Variants in GSE1 observed in about 807,000 individuals in gnomAD.
GSE1 encodes the protein Gse1 coiled-coil protein.
In GSE1, 32 loss-of-function variants were observed where a neutral mutation model predicts 112.6. The ratio of observed to expected loss-of-function variants is 0.28; its 90% CI spans 0.21 to 0.38. The LOEUF (loss-of-function observed/expected upper bound fraction) is 0.38. Among genes scored for constraint, GSE1 ranks in the 10% least tolerant of loss-of-function variants. The pLI, the probability that GSE1 is intolerant of heterozygous loss-of-function variation, is 1.00. For synonymous variants in GSE1, 1,115 were observed against 735.6 expected (o/e 1.52, Z -8.35); for missense variants, 2,348 against 1,699.2 (o/e 1.38, Z -6.71).
At chr16:85,217,668 G>A (rs1268626650) in intron 1 of GSE1, among the ~76,000 whole-genome samples, 1 of 152,186 alleles carries the variant, frequency 6.6e-6, no homozygotes, top group African/African-American at 2.4e-5. Flanking sequence ...GGGAGGAAGT[G>A]CTCAGTGAAG....
intron 1 of GSE1, among the ~76,000 whole-genome samples, chr16:85,246,332 CCCCCCACACGCTGTCT>C (rs1375467228): frequency 1.1e-4 from 4 of 35,948 alleles, no homozygotes; most frequent in Non-Finnish European, 1.5e-4. Flanking sequence ...CACACACACA[CCCCCCACACGCTGTCT>C]ACACACACAC....
At chr16:85,494,785 T>C (rs1028049848) in intron 2 of GSE1, among the ~76,000 whole-genome samples, 7 of 152,218 alleles carry the variant, frequency 4.6e-5, no homozygotes, top group African/African-American at 1.7e-4. Flanking sequence ...ACTCAGGAGC[T>C]AGAAGGGGCT....
At chr16:85,667,114 C>G (rs1025864223) in intron 13 of GSE1, among the ~76,000 whole-genome samples, 3 of 152,218 alleles carry the variant, frequency 2.0e-5, no homozygotes, top group African/African-American at 7.2e-5. Context: ...ATGACAGATA[C>G]CAAGGGAGAC....
intron 2 of GSE1, among the ~76,000 whole-genome samples, chr16:85,525,456 G>T (rs2052336410): frequency 6.6e-6 from 1 of 152,216 alleles, no homozygotes; most frequent in African/African-American, 2.4e-5. Flanking sequence ...TGGCCAGGCT[G>T]GCCCTAGGCT....
chr16:85,351,205 G>A (rs2046844240), intron 1 of GSE1, among the ~76,000 whole-genome samples: 1 of 152,212 alleles, frequency 6.6e-6, no homozygotes, highest in Non-Finnish European at 1.5e-5. Context: ...AGGAGGGAGA[G>A]GGAACTGGCT....
intron 1 of GSE1, among the ~76,000 whole-genome samples, chr16:85,242,151 G>C (rs1379536871): frequency 6.6e-6 from 1 of 152,160 alleles, no homozygotes; most frequent in Non-Finnish European, 1.5e-5. Flanking sequence ...CAGGCATCTC[G>C]CCCTGTGGAT....
At chr16:85,211,994 G>C (rs905116987) in intron 1 of GSE1, among the ~76,000 whole-genome samples, 2 of 152,246 alleles carry the variant, frequency 1.3e-5, no homozygotes, top group African/African-American at 4.8e-5. Flanking sequence ...TTCTGACTGG[G>C]GGAGGACTCC....
intron 2 of GSE1, among the ~76,000 whole-genome samples, chr16:85,361,683 C>A (rs2047085431): frequency 6.6e-6 from 1 of 152,230 alleles, no homozygotes; most frequent in African/African-American, 2.4e-5. Context: ...GGGACAGCAG[C>A]TTTTGCCAGG....
At chr16:85,542,473 C>T (rs756617975) in intron 2 of GSE1, among the ~76,000 whole-genome samples, 1 of 152,234 alleles carries the variant, frequency 6.6e-6, no homozygotes, top group South Asian at 2.1e-4. Context: ...CATAAGCCTC[C>T]GCTGTGCAGA....
chr16:85,435,076 G>T lies in GSE1; in HGVS notation c.2464+77433G>T, dbSNP rs372260874. ...GATGCGCTTAATCATTTTGGAACAGGAGGTCCCCATTTTCATTTTGCACTG... is the reference window on the plus strand; with the variant it reads ...GATGCGCTTAATCATTTTGGAACAGTAGGTCCCCATTTTCATTTTGCACTG... On this transcript the variant is annotated intron_variant, in intron 2 of 2. Transcript: ENST00000637419. Among the ~76,000 whole-genome samples, 7 of 152,246 alleles carry T rather than the reference G, an allele frequency of 4.6e-5. No individual in the cohort carries two copies. In the East Asian group the frequency reaches 9.6e-4, roughly 21 times the overall value.
chr16:85,218,063 G>A (rs2075333429), intron 1 of GSE1, among the ~76,000 whole-genome samples: 1 of 152,002 alleles, frequency 6.6e-6, no homozygotes. Flanking sequence ...ACCACACCCA[G>A]GTAATTTTTT....
chr16:85,375,690 C>A (rs1348784156), intron 2 of GSE1, among the ~76,000 whole-genome samples: 1 of 151,818 alleles, frequency 6.6e-6, no homozygotes, highest in Non-Finnish European at 1.5e-5. Context: ...GCACCCAGAG[C>A]GCCATGAGCC....
At chr16:85,206,504 G>T (rs2075118879) in intron 1 of GSE1, among the ~76,000 whole-genome samples, 1 of 152,152 alleles carries the variant, frequency 6.6e-6, no homozygotes. Flanking sequence ...TCTCGATGGG[G>T]CCTGGACACC....
intron 1 of GSE1, among the ~76,000 whole-genome samples, chr16:85,173,722 G>C (rs1054971374): frequency 6.6e-6 from 1 of 152,178 alleles, no homozygotes; most frequent in Non-Finnish European, 1.5e-5. Flanking sequence ...GATGCTGCCC[G>C]TCGGCCTTGA....
At chr16:85,183,714 G>C (rs1170819461) in intron 1 of GSE1, among the ~76,000 whole-genome samples, 1 of 152,200 alleles carries the variant, frequency 6.6e-6, no homozygotes, top group Non-Finnish European at 1.5e-5. Context: ...CACCTACGTG[G>C]ATGCCCCCCT....
chr16:85,477,290 C>A (rs1329970561), intron 2 of GSE1, among the ~76,000 whole-genome samples: 2 of 152,286 alleles, frequency 1.3e-5, no homozygotes, highest in East Asian at 3.9e-4. Context: ...GTGCCCAAAA[C>A]ACGTATACAG....
chr16:85,652,565 GCTC>G (rs1555563151), intron 3 of GSE1, among the ~76,000 whole-genome samples: 1 of 151,752 alleles, frequency 6.6e-6, no homozygotes, highest in African/African-American at 2.4e-5. Flanking sequence ...GGCGGCGGCG[GCTC>G]CTCCAGTTAA....
chr16:85,628,542 C>G (rs2049267946), intron 1 of GSE1, among the ~76,000 whole-genome samples: 1 of 152,072 alleles, frequency 6.6e-6, no homozygotes, highest in Non-Finnish European at 1.5e-5. Flanking sequence ...CCTCCCTGGT[C>G]ACCAGGGAAG....
In GSE1 at chr16:85,373,774, G is replaced by T. The variant is rs1033016386; in HGVS notation, c.2464+16131G>T. Among the ~76,000 whole-genome samples the T allele has an allele frequency of 3.9e-5, 6 of 152,110 alleles. No individual in the cohort carries two copies. Among genetic ancestry groups the T allele is most frequent in the Admixed American group, 3.3e-4 (5 of 15,274 alleles). On this transcript the variant is annotated intron_variant, in intron 2 of 2. Coordinates refer to the GSE1 transcript ENST00000637419. This position sits in a 1 kb window ranked among gnomAD's most constrained non-coding sequence, Gnocchi z 5.1. ...GGCCGCCTTCTCCCGGCAGGCCTGG[G>T]GACCCTGGATCCCCGAGGCAGCCCA...
Sources: allele counts gnomAD v4.1 joint callset (sites outside exome capture counted in the v4.1 genomes callset), GRCh38; gene constraint gnomAD v4.1.1; non-coding constraint Gnocchi (gnomAD v3.1); transcripts MANE v1.5; gene names NCBI Gene and HGNC (gene_info 2026-07-23, HGNC 2026-07-21).